Variants in ACTR2 observed in about 807,000 individuals in gnomAD.
ACTR2 encodes actin related protein 2.
A neutral mutation model predicts 50.2 loss-of-function variants in ACTR2; 5 were observed. The observed-to-expected ratio is 0.10, with a 90% CI of 0.05 to 0.21. The LOEUF is 0.21. Among genes scored for constraint, ACTR2 ranks in the 10% least tolerant of loss-of-function variants. The probability of loss-of-function intolerance (pLI) is 1.00; values close to 1 mark genes in which losing one functional copy is unlikely to be tolerated. For synonymous variants in ACTR2, 140 were observed against 162.9 expected (o/e 0.86, Z 1.07); for missense variants, 180 against 480.6 (o/e 0.37, Z 5.85).
At chr2:65,251,142 T>C (rs994082070) in intron 4 of ACTR2, 43 bp downstream of exon 4, 10 of 1,379,492 alleles carry the variant, frequency 7.2e-6, no homozygotes, top group Non-Finnish European at 1.0e-5. Flanking sequence ...TCATCAAACA[T>C]TTATTATGTA....
chr2:65,256,320 C>T (rs568298125), intron 6 of ACTR2, among the ~76,000 whole-genome samples: 4 of 152,252 alleles, frequency 2.6e-5, no homozygotes, highest in South Asian at 2.1e-4. Context: ...GAAATTGTAA[C>T]TAATGAGATT....
intron 2 of ACTR2, among the ~76,000 whole-genome samples, chr2:65,243,315 G>C (rs1372063299): frequency 2.0e-5 from 3 of 151,342 alleles, no homozygotes; most frequent in African/African-American, 4.9e-5. Context: ...CGCTTGTAGA[G>C]AACAGTGTAG....
At chr2:65,228,079 G>A in intron 1 of ACTR2, 122 bp downstream of exon 1, 2 of 915,892 alleles carry the variant, frequency 2.2e-6, no homozygotes, top group Non-Finnish European at 3.0e-6. Flanking sequence ...GGCGCGGGGC[G>A]GTGCCTCCCA....
chr2:65,230,597 G>C (rs1024352801), intron 1 of ACTR2, among the ~76,000 whole-genome samples: 1 of 151,610 alleles, frequency 6.6e-6, no homozygotes, highest in Non-Finnish European at 1.5e-5. Context: ...TTTTTGTAGA[G>C]ACTGGGTCTC....
rs560003794 is a variant in ACTR2, at chr2:65,244,396, A to G, written c.160-2128A>G. Among the ~76,000 whole-genome samples the G allele has an allele frequency of 8.0e-4, 122 of 152,316 alleles. 2 individuals are homozygous for G. The highest frequency in any genetic ancestry group is 2.9e-5 in the Non-Finnish European group (2 of 68,020). ...CCCCCCTAACATTTTATTAAGCAGT[A>G]TTAAGAAAATGTAGCAATATTGAAA... On this transcript the variant is annotated intron_variant, in intron 2 of 8. Transcript: ENST00000260641.
chr2:65,235,185 T>C (rs1671716515), intron 1 of ACTR2, among the ~76,000 whole-genome samples: 1 of 152,058 alleles, frequency 6.6e-6, no homozygotes, highest in African/African-American at 2.4e-5. Context: ...TGTGTGTGTG[T>C]GTGTGCACGT....
intron 1 of ACTR2, among the ~76,000 whole-genome samples, chr2:65,233,931 C>G (rs1671685773): frequency 6.6e-6 from 1 of 151,142 alleles, no homozygotes; most frequent in Non-Finnish European, 1.5e-5. Context: ...CTGACAGGGT[C>G]TCACTCTGTT....
intron 7 of ACTR2, among the ~76,000 whole-genome samples, chr2:65,264,784 C>A (rs1416532822): frequency 1.3e-5 from 2 of 152,076 alleles, no homozygotes; most frequent in African/African-American, 4.8e-5. Context: ...TATTAGAAGT[C>A]TCAGTTATAT....
chr2:65,255,558 G>A lies in ACTR2; in HGVS notation c.599G>A (p.Arg200Gln). The change falls in exon 6 of 9, where the codon CGA (arginine) becomes CAA (glutamine). Residue 200 changes from arginine (R) to glutamine (Q), a missense_variant. Arg to Gln is a conservative substitution (Grantham distance 43, BLOSUM62 1). Coordinates refer to ENST00000260641, the MANE Select transcript of ACTR2 (RefSeq NM_005722.4). ...TRYLIKLLLL[R>Q]GYAFNHSADF... The stretch of plus-strand genomic sequence containing the variant: ...GTTTTGTACCAGCTACTTCTGTTGC[G>A]AGGATACGCCTTCAACCACTCTGCT... 9 of 1,613,274 alleles carry A rather than the reference G, an allele frequency of 5.6e-6. No individual in the cohort carries two copies. Among genetic ancestry groups the A allele is most frequent in the Admixed American group, 1.7e-5 (1 of 59,942 alleles).
At chr2:65,233,578 A>G (rs1671679565) in intron 1 of ACTR2, among the ~76,000 whole-genome samples, 1 of 151,796 alleles carries the variant, frequency 6.6e-6, no homozygotes, top group South Asian at 2.1e-4. Context: ...CAGTGTGCCC[A>G]GAGTAGCCAG....
chr2:65,256,162 T>C (rs999059736), intron 6 of ACTR2, among the ~76,000 whole-genome samples: 3 of 152,250 alleles, frequency 2.0e-5, no homozygotes, highest in Non-Finnish European at 2.9e-5. Flanking sequence ...TTCAGACTTA[T>C]GCTCTAGGAC....
chr2:65,264,045 A>C (rs1005089418), intron 7 of ACTR2, among the ~76,000 whole-genome samples: 14 of 152,082 alleles, frequency 9.2e-5, no homozygotes, highest in African/African-American at 3.4e-4. Flanking sequence ...ACAGAGTGAG[A>C]CTCTGTATTA....
chr2:65,229,649 G>T (rs1434699092), intron 1 of ACTR2, among the ~76,000 whole-genome samples: 1 of 151,048 alleles, frequency 6.6e-6, no homozygotes, highest in East Asian at 1.9e-4. Context: ...CCAGCTACTC[G>T]GTAGGCTGAG....
chr2:65,265,905 GT>G (rs1354979275), intron 8 of ACTR2, among the ~76,000 whole-genome samples: 2 of 152,170 alleles, frequency 1.3e-5, no homozygotes, highest in East Asian at 3.8e-4. Flanking sequence ...GTATTACAGA[GT>G]ACTGTATGTT....
At chr2:65,260,327 T>C (rs1316331471) in intron 6 of ACTR2, among the ~76,000 whole-genome samples, 1 of 152,172 alleles carries the variant, frequency 6.6e-6, no homozygotes, top group Non-Finnish European at 1.5e-5. Context: ...GTCAACATGA[T>C]GAAACCCCGT....
chr2:65,231,865 A>G (rs963824148), intron 1 of ACTR2, among the ~76,000 whole-genome samples: 1 of 152,144 alleles, frequency 6.6e-6, no homozygotes. Flanking sequence ...AAAATCACCA[A>G]AAAAATTTCA....
chr2:65,262,590 C>T lies in ACTR2; in HGVS notation c.881+1198C>T, dbSNP rs780685106. ...AAATTTCCCTCTCTGGCAATTGTAT[C>T]GTTTATCCTTTTCCACCGATCTGAT... On this transcript the variant is annotated intron_variant, in intron 7 of 8. Coordinates refer to ENST00000260641, the MANE Select transcript of ACTR2 (RefSeq NM_005722.4). Among the ~76,000 whole-genome samples the T allele has an allele frequency of 5.9e-4, 90 of 152,076 alleles. 1 individual carries two copies. Among genetic ancestry groups the T allele is most frequent in the Middle Eastern group, 3.4e-3 (1 of 294 alleles).
intron 6 of ACTR2, among the ~76,000 whole-genome samples, chr2:65,257,124 A>G (rs1171572605): frequency 8.1e-6 from 1 of 123,446 alleles, no homozygotes; most frequent in Non-Finnish European, 1.7e-5. Context: ...AACAGGCCCC[A>G]TGTGTGTTGT....
At chr2:65,237,341 C>G (rs1223631542) in intron 1 of ACTR2, among the ~76,000 whole-genome samples, 1 of 152,064 alleles carries the variant, frequency 6.6e-6, no homozygotes, top group African/African-American at 2.4e-5. Flanking sequence ...TCAAGTGATC[C>G]TCCCACCTCA....
Sources: gnomAD v4.1 joint callset for allele counts (sites outside exome capture counted in the v4.1 genomes callset) on GRCh38, gnomAD v4.1.1 for gene constraint, MANE v1.5 for transcripts, NCBI Gene and HGNC (gene_info 2026-07-23, HGNC 2026-07-21) for gene names.